Variants in SNTG2 observed in about 807,000 individuals in gnomAD.
SNTG2 encodes the protein gamma-2-syntrophin.
SNTG2 carries 74 observed loss-of-function variants against 70.9 expected under a neutral mutation model. The ratio of observed to expected loss-of-function variants is 1.04; its 90% confidence interval spans 0.86 to 1.27. SNTG2 has a LOEUF of 1.27. Among genes scored for constraint, SNTG2 ranks in the 50% most tolerant of loss-of-function variants. The pLI is 0.00. For missense variants in SNTG2, 717 were observed against 690.7 expected (o/e 1.04, Z -0.43); for synonymous variants, 278 against 273.8 (o/e 1.02, Z -0.15).
At chr2:1,111,033 T>G (rs1254345603) in intron 4 of SNTG2, among the ~76,000 whole-genome samples, 1 of 152,250 alleles carries the variant, frequency 6.6e-6, no homozygotes, top group East Asian at 1.9e-4. Context: ...ATCTGCTTTT[T>G]GTCTCAAGTT....
At chr2:1,211,516 A>G (rs1674038672) in intron 9 of SNTG2, among the ~76,000 whole-genome samples, 1 of 152,150 alleles carries the variant, frequency 6.6e-6, no homozygotes, top group East Asian at 1.9e-4. Context: ...GAAAAACCTG[A>G]GACTGGGTAA....
intron 14 of SNTG2, among the ~76,000 whole-genome samples, chr2:1,296,105 G>A (rs1336117770): frequency 1.3e-5 from 2 of 152,120 alleles, no homozygotes; most frequent in Non-Finnish European, 2.9e-5. Flanking sequence ...GTAGAAGGCT[G>A]AGTCTCCTGT....
At chr2:1,091,443 C>T (rs1269753341) in intron 2 of SNTG2, among the ~76,000 whole-genome samples, 2 of 152,152 alleles carry the variant, frequency 1.3e-5, no homozygotes, top group African/African-American at 4.8e-5. Flanking sequence ...CATCAGGGAT[C>T]GAGGCAGGGG....
chr2:1,086,642 G>A (rs2148180889), intron 2 of SNTG2, among the ~76,000 whole-genome samples: 1 of 152,342 alleles, frequency 6.6e-6, no homozygotes, highest in Non-Finnish European at 1.5e-5. Context: ...CCACTGCCAA[G>A]TGTAAGGTCA....
intron 4 of SNTG2, among the ~76,000 whole-genome samples, chr2:1,136,358 G>A (rs913244573): frequency 6.6e-6 from 1 of 151,608 alleles, no homozygotes; most frequent in Middle Eastern, 3.4e-3. Context: ...CGAGAGGGAG[G>A]GGGGCAGTTT....
chr2:1,282,675 C>T (rs562228160), intron 14 of SNTG2, among the ~76,000 whole-genome samples: 130 of 148,230 alleles, frequency 8.8e-4, no homozygotes, highest in Non-Finnish European at 1.4e-3. Flanking sequence ...GCCCCCACGT[C>T]AGTGAGCTGG....
intron 7 of SNTG2, among the ~76,000 whole-genome samples, chr2:1,170,074 A>G (rs976465276): frequency 1.3e-5 from 2 of 152,202 alleles, no homozygotes; most frequent in Non-Finnish European, 2.9e-5. Context: ...GAGCAGCTCC[A>G]GTGAGTGGGG....
chr2:1,182,981 C>T (rs1672015432), intron 8 of SNTG2, among the ~76,000 whole-genome samples: 1 of 152,134 alleles, frequency 6.6e-6, no homozygotes, highest in Non-Finnish European at 1.5e-5. Context: ...TCTTGAACTC[C>T]TGGGCTCAAG....
chr2:1,238,389 G>T lies in SNTG2; in HGVS notation c.849+372G>T, dbSNP rs570884420. On this transcript the variant is annotated intron_variant, in intron 10 of 16. Coordinates refer to ENST00000308624, the MANE Select transcript of SNTG2 (RefSeq NM_018968.4). ...ATACAGTGTGACATTTTGAGTTGGG[G>T]AAACCTAATTGAGTTAAAAGTATAA... Among the ~76,000 whole-genome samples the T allele has an allele frequency of 2.9e-3, 447 of 152,210 alleles. 2 individuals are homozygous for T. Among genetic ancestry groups the T allele is most frequent in the Middle Eastern group, 6.8e-3 (2 of 294 alleles).
At chr2:1,119,996 G>A (rs551964846) in intron 4 of SNTG2, among the ~76,000 whole-genome samples, 2 of 151,754 alleles carry the variant, frequency 1.3e-5, no homozygotes, top group East Asian at 1.9e-4. Context: ...TGAGAAAATG[G>A]CATTGATAAT....
chr2:1,258,307 G>C (rs1408603128), intron 12 of SNTG2, among the ~76,000 whole-genome samples: 1 of 152,174 alleles, frequency 6.6e-6, no homozygotes, highest in Non-Finnish European at 1.5e-5. Context: ...AATTCGAGAT[G>C]TAACTCTTAT....
chr2:1,250,675 C>G (rs1205844928), intron 12 of SNTG2, among the ~76,000 whole-genome samples: 2 of 152,078 alleles, frequency 1.3e-5, no homozygotes, highest in East Asian at 3.9e-4. Flanking sequence ...CTCGAGGTCT[C>G]TCTCTTTCTC....
intron 7 of SNTG2, among the ~76,000 whole-genome samples, chr2:1,167,992 G>A (rs1202673650): frequency 7.6e-6 from 1 of 131,382 alleles, no homozygotes; most frequent in Non-Finnish European, 1.6e-5. Context: ...CCTACAGGCC[G>A]CCCACAGACG....
intron 4 of SNTG2, among the ~76,000 whole-genome samples, chr2:1,106,012 T>A (rs968655136): frequency 1.3e-5 from 2 of 151,852 alleles, no homozygotes; most frequent in Non-Finnish European, 2.9e-5. Flanking sequence ...AGCTCCTTGG[T>A]AATAATGGAC....
chr2:1,348,062 C>G (rs1290200259), intron 16 of SNTG2, among the ~76,000 whole-genome samples: 1 of 151,960 alleles, frequency 6.6e-6, no homozygotes, highest in Non-Finnish European at 1.5e-5. Context: ...TTGCAACTCT[C>G]AAGCTTGGCT....
chr2:1,219,794 GT>G (rs1453864698), intron 9 of SNTG2: 7 of 152,000 alleles, frequency 4.6e-5, no homozygotes, highest in Admixed American at 3.3e-4. Context: ...TAGCTTAGGG[GT>G]CTTTTTGCCC....
chr2:1,356,995 C>A (rs1660888297), intron 16 of SNTG2, among the ~76,000 whole-genome samples: 1 of 151,332 alleles, frequency 6.6e-6, no homozygotes, highest in South Asian at 2.1e-4. Flanking sequence ...AGAAATGCAA[C>A]TTTATTGTGT....
intron 1 of SNTG2, among the ~76,000 whole-genome samples, chr2:996,894 TCAA>T (rs1661705652): frequency 6.6e-6 from 1 of 151,998 alleles, no homozygotes; most frequent in Non-Finnish European, 1.5e-5. Flanking sequence ...ATGTAAAACA[TCAA>T]CAAAGCCAAA....
chr2:1,309,808 T>C (rs1156930087), intron 15 of SNTG2, among the ~76,000 whole-genome samples: 2 of 152,234 alleles, frequency 1.3e-5, no homozygotes, highest in African/African-American at 4.8e-5. Context: ...TGCCATCCAG[T>C]ATCCAGGTCC....
Sources: allele counts gnomAD v4.1 joint callset (sites outside exome capture counted in the v4.1 genomes callset), GRCh38; gene constraint gnomAD v4.1.1; transcripts MANE v1.5; gene names NCBI Gene and HGNC (gene_info 2026-07-23, HGNC 2026-07-21).